WDR45: variants seen among roughly 807,000 people sequenced by gnomAD.
WDR45 encodes the protein WD repeat domain phosphoinositide-interacting protein 4.
In WDR45, 2 loss-of-function variants were observed where a neutral mutation model predicts 27.3. The observed-to-expected ratio is 0.07, with a 90% confidence interval of 0.03 to 0.23. The LOEUF (loss-of-function observed/expected upper bound fraction) is 0.23. WDR45 is among the 10% of genes least tolerant of loss of function. The pLI is 1.00. For synonymous variants in WDR45, 99 were observed against 119.2 expected (o/e 0.83, Z 1.11); for missense variants, 175 against 311.9 (o/e 0.56, Z 3.31).
At chrX:49,085,631 T>C (rs2065083716) in intron 2 of WDR45, among the ~76,000 whole-genome samples, 2 of 112,619 alleles carry the variant, frequency 1.8e-5, no homozygotes, top group South Asian at 7.2e-4. Flanking sequence ...TCCCAGCACT[T>C]TGGGAGGCGG....
intron 1 of WDR45, among the ~76,000 whole-genome samples, chrX:49,078,471 G>A (rs1187507222): frequency 9.0e-6 from 1 of 111,691 alleles, no homozygotes. Flanking sequence ...GCAGTGAGCC[G>A]AAATCGAGCC....
chrX:49,095,903 C>T (rs1352843900), intron 2 of WDR45, among the ~76,000 whole-genome samples: 4 of 105,771 alleles, frequency 3.8e-5, no homozygotes, highest in Non-Finnish European at 7.7e-5. Flanking sequence ...GCTAGAATTA[C>T]AGGCGCCAGC....
At chrX:49,093,594 G>A (rs1413668955) in intron 2 of WDR45, among the ~76,000 whole-genome samples, 2 of 105,647 alleles carry the variant, frequency 1.9e-5, no homozygotes, top group Non-Finnish European at 1.9e-5. Context: ...GTGCAGTGGT[G>A]TGATCATAGT....
Position 49,075,552 on chromosome X carries a change from G to C in WDR45, c.718C>G (p.Leu240Val). 1 of 1,211,892 alleles carries C rather than the reference G, an allele frequency of 8.3e-7. No individual in the cohort carries two copies. The highest frequency in any genetic ancestry group is 1.1e-6 in the Non-Finnish European group (1 of 895,513). The change falls in exon 8 of 11, where the codon CTC becomes GTC. Residue 240 changes from leucine to valine, a missense_variant. Around this residue, in one of 3 missense-constraint regions of WDR45, gnomAD observed 71 missense variants for 123.0 expected, o/e 0.58. Coordinates refer to ENST00000376372, the MANE Select transcript of WDR45 (RefSeq NM_001029896.2). ...TGCATACCCTGTGCTCACCAGTAGA[G>C]GGTGGCAGGGTCAGTGCCTCGGCGC... ...ELRRGTDPATLYCINFSHDSS... is the reference protein window; with the variant it reads ...ELRRGTDPATVYCINFSHDSS...
intron 2 of WDR45, among the ~76,000 whole-genome samples, chrX:49,097,950 GC>G (rs1243568326): frequency 3.6e-5 from 4 of 109,600 alleles, no homozygotes; most frequent in African/African-American, 1.3e-4. Context: ...GAGCCACTGT[GC>G]CCGGCCTATT....
upstream of WDR45, among the ~76,000 whole-genome samples, chrX:49,080,840 G>A (rs1557084988): frequency 2.0e-5 from 2 of 97,615 alleles, no homozygotes; most frequent in African/African-American, 4.0e-5. Context: ...TCCTACCTAT[G>A]ATAAAGCTTT....
At chrX:49,075,100 T>C (rs1411735535) in intron 10 of WDR45, 36 bp downstream of exon 10, 2 of 1,205,470 alleles carry the variant, frequency 1.7e-6, no homozygotes, top group Non-Finnish European at 2.2e-6. Flanking sequence ...CTTTGCCCCA[T>C]GCAGTACCCC....
At chrX:49,082,726 T>C (rs1557085330), upstream of WDR45, among the ~76,000 whole-genome samples, 1 of 111,059 alleles carries the variant, frequency 9.0e-6, no homozygotes, top group Non-Finnish European at 1.9e-5. Flanking sequence ...TTCTTTCTTT[T>C]TTTTTAAGAT....
intron 2 of WDR45, among the ~76,000 whole-genome samples, chrX:49,092,824 G>A (rs963252790): frequency 4.1e-4 from 46 of 112,486 alleles, no homozygotes; most frequent in African/African-American, 1.3e-3. Context: ...ATCTTACAGC[G>A]TCCCTGAGAA....
At chrX:49,087,248 T>C (rs782047115) in intron 2 of WDR45, among the ~76,000 whole-genome samples, 2 of 110,382 alleles carry the variant, frequency 1.8e-5, no homozygotes, top group Non-Finnish European at 3.8e-5. Flanking sequence ...TCCCAGCTAC[T>C]TGGGAGGCTG....
rs376936511 is a variant in WDR45, at chrX:49,076,649, C to T, written c.337G>A (p.Asp113Asn). 107 of 1,208,715 alleles carry T rather than the reference C, an allele frequency of 8.9e-5. No homozygotes were observed. Among genetic ancestry groups the T allele is most frequent in the Non-Finnish European group, 1.1e-4 (101 of 894,134 alleles). Residue 113 changes from aspartate to asparagine, a missense_variant, in exon 5 of 11, where the codon GAC becomes AAC. Transcript: ENST00000376372. ...CCCGGTCCTCCTCAGGCTCACTTGT[C>T]ATGGCGCATGCGCACAGAAAGCACT... is the stretch of plus-strand genomic sequence containing the variant. Reference protein sequence around the residue: ...KPVLSVRMRHDKIVIVLKNRI... With the variant: ...KPVLSVRMRHNKIVIVLKNRI...
At chrX:49,076,930 T>C (rs1470513874) in intron 4 of WDR45, 180 bp from the exon 5 acceptor site, 2 of 443,784 alleles carry the variant, frequency 4.5e-6, no homozygotes, top group East Asian at 7.6e-5. Context: ...GAGAGGAGTG[T>C]TCTAGACTGT....
At chrX:49,100,235 T>C (rs2065140829) in exon 2 of WDR45, 1 of 110,218 alleles carries the variant, frequency 9.1e-6, no homozygotes, top group African/African-American at 3.3e-5. Flanking sequence ...TTTCTTTTCT[T>C]TCTTTTTTTT....
At chrX:49,091,755 C>CAAA (rs1162476660) in intron 2 of WDR45, among the ~76,000 whole-genome samples, 28 of 35,199 alleles carry the variant, frequency 8.0e-4, no homozygotes, top group African/African-American at 3.0e-3. Flanking sequence ...GACTCCGTCT[C>CAAA]AAAAAAAAAA....
rs200949771 is a variant in WDR45 at position 49,097,661 on chromosome X, TA to T, written c.-18+2543del. ...CTAATTTTTGTATTATTATTATTATTATTTTTTTTTTTGAGATGGAATTTTG... is the reference window on the plus strand; with the variant it reads ...CTAATTTTTGTATTATTATTATTATTTTTTTTTTTTTGAGATGGAATTTTG... On this transcript the variant is annotated intron_variant, in intron 2 of 11. Transcript: ENST00000356463. Among the ~76,000 whole-genome samples the T allele has an allele frequency of 5.0e-3, 349 of 70,400 alleles. 1 individual carries two copies. The highest frequency in any genetic ancestry group is 0.032 in the Middle Eastern group (3 of 95). 61.1% of individuals were successfully genotyped at this position (70,400 alleles called of 115,157 possible).
intron 2 of WDR45, among the ~76,000 whole-genome samples, chrX:49,094,888 C>G (rs1434579719): frequency 9.1e-6 from 1 of 110,484 alleles, no homozygotes; most frequent in African/African-American, 3.3e-5. Flanking sequence ...GTCAGGTGTG[C>G]AAGACCAGCT....
At chrX:49,097,087 A>G (rs1292467977) in intron 2 of WDR45, among the ~76,000 whole-genome samples, 1 of 103,577 alleles carries the variant, frequency 9.7e-6, no homozygotes, top group Non-Finnish European at 2.0e-5. Flanking sequence ...CTTAAAAGGC[A>G]AGCTATATAC....
rs948137494 is a variant in WDR45, at chrX:49,087,846, A to G, written c.-17-9734T>C. On this transcript the variant is annotated intron_variant, in intron 2 of 11. Coordinates refer to the WDR45 transcript ENST00000356463. ...CCGGAGGTTGAGGCTTCAGTGAGCC[A>G]TGATTGTGCCACTGCACTCCAATCT... 1.7e-4 allele frequency among the ~76,000 whole-genome samples: 19 copies of G among 112,406 alleles called. No individual in the cohort carries two copies. In the Admixed American group the frequency reaches 1.8e-3, roughly 11 times the overall value.
chrX:49,098,061 C>T (rs1195266856), intron 2 of WDR45, among the ~76,000 whole-genome samples: 1 of 111,922 alleles, frequency 8.9e-6, no homozygotes, highest in Non-Finnish European at 1.9e-5. Flanking sequence ...AAGTGATCCT[C>T]CCACATCAGC....
Sources: allele counts gnomAD v4.1 joint callset (sites outside exome capture counted in the v4.1 genomes callset), GRCh38; gene constraint gnomAD v4.1.1; regional missense constraint gnomAD v4.1.1; transcripts MANE v1.5; gene names NCBI Gene and HGNC (gene_info 2026-07-23, HGNC 2026-07-21).